SLC14A2: variants seen among roughly 807,000 people sequenced by gnomAD.
The protein encoded by SLC14A2 is urea transporter 2.
SLC14A2 carries 91 observed loss-of-function variants against 104.6 expected under a neutral mutation model. That is an observed-to-expected ratio of 0.87 (90% CI 0.73 to 1.04). SLC14A2 has a LOEUF of 1.04. SLC14A2 is among the 50% of genes least tolerant of loss of function. SLC14A2 has a pLI of 0.00. For missense variants in SLC14A2, 1,189 were observed against 1,156.0 expected, an observed-to-expected ratio of 1.03 and a Z score of -0.41; for synonymous variants, 476 against 466.4, an observed-to-expected ratio of 1.02 and a Z score of -0.27.
intron 2 of SLC14A2, among the ~76,000 whole-genome samples, chr18:45,524,433 G>A (rs561202122): frequency 5.3e-4 from 81 of 152,204 alleles, no homozygotes; most frequent in Non-Finnish European, 8.8e-4. Context: ...GACAAAGGCA[G>A]TGAGAGGGAT....
In SLC14A2 at chr18:45,530,283, A is replaced by G. The variant is rs182033568; in HGVS notation, c.-35+46961A>G. Among the ~76,000 whole-genome samples, 92 of 152,320 alleles carry G rather than the reference A, an allele frequency of 6.0e-4. 1 individual carries two copies. The highest frequency in any genetic ancestry group is 8.7e-4 in the Non-Finnish European group (59 of 68,022). On this transcript the variant is annotated intron_variant, in intron 2 of 20. Coordinates refer to the SLC14A2 transcript ENST00000586448. ...AAAATTTGGCTGATGTTTGTTGTCA[A>G]TTCTCCTGACAGAGATTATTTCCTC...
In SLC14A2 at chr18:45,682,300, CTG is replaced by C; in HGVS notation, c.2563-15_2563-14del. ...GGCACCTGATGTGACCAAGGCTTAT[CTG>C]TGTTCTTTCTCTCCAGTTTGGATTG... On this transcript the variant is annotated splice_polypyrimidine_tract_variant and intron_variant, in intron 19 of 19. Transcript: ENST00000255226. The C allele has an allele frequency of 1.9e-6, 3 of 1,612,278 alleles. No individual in the cohort carries two copies. In the Admixed American group the frequency reaches 5.0e-5, roughly 27 times the overall value.
At chr18:45,403,947 C>G (rs1027018727) in intron 1 of SLC14A2, among the ~76,000 whole-genome samples, 2 of 152,222 alleles carry the variant, frequency 1.3e-5, no homozygotes, top group Non-Finnish European at 2.9e-5. Flanking sequence ...ACTCCTTTCT[C>G]CCTATATCTC....
At chr18:45,240,385 A>G (rs956269084) in intron 1 of SLC14A2, among the ~76,000 whole-genome samples, 2 of 151,640 alleles carry the variant, frequency 1.3e-5, no homozygotes, top group Admixed American at 1.3e-4. Context: ...ATGAGCCACC[A>G]CGCCCGGCCC....
intron 1 of SLC14A2, among the ~76,000 whole-genome samples, chr18:45,244,028 C>T (rs1463755779): frequency 2.0e-5 from 3 of 152,048 alleles, no homozygotes; most frequent in East Asian, 3.9e-4. Context: ...TCCTGGCCAG[C>T]GTACTCATTC....
intron 1 of SLC14A2, among the ~76,000 whole-genome samples, chr18:45,213,973 G>A (rs1166330850): frequency 6.6e-6 from 1 of 152,118 alleles, no homozygotes; most frequent in African/African-American, 2.4e-5. Context: ...CAATAGAAAT[G>A]GCCGAGCTTT....
chr18:45,536,082 C>CTT (rs996855327), intron 2 of SLC14A2, among the ~76,000 whole-genome samples: 1 of 152,160 alleles, frequency 6.6e-6, no homozygotes, highest in Non-Finnish European at 1.5e-5. Context: ...CATTGACTTC[C>CTT]TTTTTCCTTC....
chr18:45,597,440 T>C (rs1284434747), intron 2 of SLC14A2, among the ~76,000 whole-genome samples: 1 of 152,236 alleles, frequency 6.6e-6, no homozygotes, highest in Admixed American at 6.5e-5. Flanking sequence ...CAGACCCTGC[T>C]CTAGGGAAGG....
At chr18:45,335,126 A>G (rs1421046534) in intron 1 of SLC14A2, among the ~76,000 whole-genome samples, 1 of 151,868 alleles carries the variant, frequency 6.6e-6, no homozygotes, top group Non-Finnish European at 1.5e-5. Flanking sequence ...CTTCCCCCCA[A>G]ATTATCTTAT....
intron 1 of SLC14A2, among the ~76,000 whole-genome samples, chr18:45,308,551 C>T (rs1599663072): frequency 1.3e-5 from 2 of 152,314 alleles, no homozygotes; most frequent in South Asian, 2.1e-4. Context: ...GAGGTTACCT[C>T]TCCAGCCACT....
chr18:45,289,788 A>G (rs1211609072), intron 1 of SLC14A2, among the ~76,000 whole-genome samples: 1 of 152,160 alleles, frequency 6.6e-6, no homozygotes, highest in East Asian at 1.9e-4. Flanking sequence ...AAGAAGTGCC[A>G]ATGTGTCATG....
intron 10 of SLC14A2, among the ~76,000 whole-genome samples, chr18:45,651,981 A>C (rs575586416): frequency 6.6e-6 from 1 of 152,136 alleles, no homozygotes; most frequent in East Asian, 1.9e-4. Flanking sequence ...TTTCTGGTCA[A>C]CCCTCTAAGA....
In SLC14A2 at chr18:45,610,163, C is replaced by G. The variant is rs558951177; in HGVS notation, c.-34-14468C>G. Among the ~76,000 whole-genome samples, 55 of 152,234 alleles carry G rather than the reference C, an allele frequency of 3.6e-4. 1 individual carries two copies. Among genetic ancestry groups the G allele is most frequent in the Non-Finnish European group, 7.4e-4 (50 of 68,010 alleles). The stretch of plus-strand genomic sequence containing the variant: ...CACCCCTGAGAAGCCTGTGTGCAGA[C>G]CTGAGTGAGCCCAGGAATCACCTAA... On this transcript the variant is annotated intron_variant, in intron 2 of 20. Coordinates refer to the SLC14A2 transcript ENST00000586448.
chr18:45,402,532 A>G (rs1374830756), intron 1 of SLC14A2, among the ~76,000 whole-genome samples: 1 of 152,194 alleles, frequency 6.6e-6, no homozygotes, highest in East Asian at 1.9e-4. Context: ...AGATAACTAT[A>G]CCATTTGTGT....
Position 45,644,047 on chromosome 18 carries a change from C to G in SLC14A2, c.1238C>G (p.Thr413Arg), listed in dbSNP as rs369970858. 11 of 1,614,096 alleles carry G rather than the reference C, an allele frequency of 6.8e-6. No individual in the cohort carries two copies. Among genetic ancestry groups the G allele is most frequent in the Non-Finnish European group, 9.3e-6 (11 of 1,180,036 alleles). ...CLATIIFLLL[T>R]TNNPAIFRLP... ...GCCACCATCATCTTCCTGCTCCTGA[C>G]GACAAACAACCCAGCCATCTTCAGA... Residue 413 changes from threonine (T) to arginine (R), a missense_variant, in exon 10 of 20, where the codon ACG becomes AGG. Thr to Arg is a moderately conservative substitution (Grantham distance 71). Coordinates refer to ENST00000255226, the MANE Select transcript of SLC14A2 (RefSeq NM_007163.4).
intron 1 of SLC14A2, among the ~76,000 whole-genome samples, chr18:45,294,026 G>A (rs891887569): frequency 3.9e-5 from 6 of 152,096 alleles, no homozygotes; most frequent in African/African-American, 7.2e-5. Flanking sequence ...AAGAGTTCAC[G>A]GTATCCATCA....
intron 1 of SLC14A2, among the ~76,000 whole-genome samples, chr18:45,452,971 G>A (rs1465589244): frequency 1.3e-5 from 2 of 152,164 alleles, no homozygotes; most frequent in Non-Finnish European, 2.9e-5. Context: ...CAGCAGCCTG[G>A]CCCAGGGTGA....
At chr18:45,393,750 G>A (rs746742164) in intron 1 of SLC14A2, among the ~76,000 whole-genome samples, 4 of 152,184 alleles carry the variant, frequency 2.6e-5, no homozygotes, top group Non-Finnish European at 5.9e-5. Context: ...CAGGCTGGAT[G>A]CACAACAATT....
intron 18 of SLC14A2, among the ~76,000 whole-genome samples, chr18:45,675,709 ATT>A (rs71177687): frequency 0.049 from 3,833 of 77,974 alleles, 71 homozygotes; most frequent in East Asian, 0.16. Context: ...ATATATATAT[ATT>A]TTTTTTTTTT....
Sources: gnomAD v4.1 joint callset for allele counts (sites outside exome capture counted in the v4.1 genomes callset) on GRCh38, gnomAD v4.1.1 for gene constraint, MANE v1.5 for transcripts, NCBI Gene and HGNC (gene_info 2026-07-23, HGNC 2026-07-21) for gene names.